DOCK4: variants seen among roughly 807,000 people sequenced by gnomAD.
DOCK4 encodes dedicator of cytokinesis 4.
A neutral mutation model predicts 268.1 loss-of-function variants in DOCK4; 97 were observed. The observed-to-expected ratio is 0.36, with a 90% confidence interval of 0.31 to 0.43. The LOEUF is 0.43. Among genes scored for constraint, DOCK4 ranks in the 20% least tolerant of loss-of-function variants. The pLI is 1.00. For missense variants in DOCK4, 2,145 were observed against 2,455.7 expected (o/e 0.87, Z 2.67); for synonymous variants, 954 against 887.2 (o/e 1.08, Z -1.34).
At chr7:112,202,916 C>T (rs577277558) in intron 1 of DOCK4, among the ~76,000 whole-genome samples, 2 of 152,270 alleles carry the variant, frequency 1.3e-5, no homozygotes, top group East Asian at 3.9e-4. Flanking sequence ...GGAACCAGCA[C>T]CTCAGTTCTG....
At chr7:112,088,679 C>A (rs959078328) in intron 1 of DOCK4, among the ~76,000 whole-genome samples, 1 of 152,088 alleles carries the variant, frequency 6.6e-6, no homozygotes, top group East Asian at 1.9e-4. Flanking sequence ...AGTTTCCTAT[C>A]GGGCAGGATT....
chr7:111,911,127 C>T (rs1444880241), intron 13 of DOCK4, among the ~76,000 whole-genome samples: 1 of 152,084 alleles, frequency 6.6e-6, no homozygotes, highest in Non-Finnish European at 1.5e-5. Context: ...TAATCATGTG[C>T]CTCACCTGTT....
rs748617968 is a variant in DOCK4, at chr7:111,790,549, A to G, written c.3223T>C (p.Leu1075=). The change falls in exon 31 of 53, where the codon TTG becomes CTG. Residue 1075 remains leucine (L), a synonymous_variant. Transcript: ENST00000428084. The stretch of plus-strand genomic sequence containing the variant: ...TTCCGAAGATCTGGCTGGGGTATCA[A>G]GGTCACTTCTAGGAAGGGGCCAATC... ...ALIGPFLEVT[L]IPQPDLRNVM... 1.9e-6 allele frequency: 3 copies of G among 1,613,940 alleles called. No homozygotes were observed.
chr7:111,762,681 A>T (rs1426677246), intron 39 of DOCK4, among the ~76,000 whole-genome samples: 1 of 146,574 alleles, frequency 6.8e-6, no homozygotes, highest in Non-Finnish European at 1.5e-5. Flanking sequence ...GTAAATATAT[A>T]TTTTCAATTT....
intron 12 of DOCK4, among the ~76,000 whole-genome samples, chr7:111,917,992 C>G (rs1004888090): frequency 2.0e-5 from 3 of 152,060 alleles, no homozygotes; most frequent in African/African-American, 7.2e-5. Context: ...ATAGAGCAAA[C>G]AAACAATAAC....
intron 16 of DOCK4, among the ~76,000 whole-genome samples, chr7:111,882,362 T>G (rs946591516): frequency 4.6e-5 from 7 of 152,202 alleles, no homozygotes; most frequent in African/African-American, 1.7e-4. Context: ...TTATTTTATT[T>G]TGGTTTATCT....
intron 10 of DOCK4, among the ~76,000 whole-genome samples, chr7:111,941,635 C>T (rs376568063): frequency 6.6e-6 from 1 of 151,438 alleles, no homozygotes. Context: ...CAGAAAGAAG[C>T]TCCTTATTAA....
intron 1 of DOCK4, among the ~76,000 whole-genome samples, chr7:112,008,370 T>C (rs1396122925): frequency 2.6e-5 from 4 of 152,208 alleles, no homozygotes; most frequent in Non-Finnish European, 4.4e-5. Flanking sequence ...ATTCATAGCA[T>C]AACCATTTTG....
intron 49 of DOCK4, among the ~76,000 whole-genome samples, chr7:111,737,406 G>C (rs952144653): frequency 1.3e-5 from 2 of 152,048 alleles, no homozygotes; most frequent in Non-Finnish European, 2.9e-5. Flanking sequence ...TGGGATTACA[G>C]GCATGAGCCA....
intron 30 of DOCK4, among the ~76,000 whole-genome samples, chr7:111,792,626 A>G (rs1033583904): frequency 6.6e-6 from 1 of 151,844 alleles, no homozygotes; most frequent in East Asian, 1.9e-4. Context: ...CAGGTGATCC[A>G]CCCGCCTCAG....
intron 1 of DOCK4, among the ~76,000 whole-genome samples, chr7:112,028,153 A>C (rs553185792): frequency 6.6e-6 from 1 of 152,316 alleles, no homozygotes; most frequent in East Asian, 1.9e-4. Flanking sequence ...TAGAGCATGA[A>C]GTACAGGTCC....
intron 30 of DOCK4, among the ~76,000 whole-genome samples, chr7:111,792,906 G>A (rs1371590884): frequency 2.0e-5 from 3 of 152,184 alleles, no homozygotes; most frequent in African/African-American, 4.8e-5. Context: ...GCATGACCAA[G>A]TCAATAGCAA....
At chr7:112,200,740 A>AAAAAAAAAAAAAAAAAAAG in intron 1 of DOCK4, among the ~76,000 whole-genome samples, 1 of 76,506 alleles carries the variant, frequency 1.3e-5, no homozygotes, top group African/African-American at 8.0e-5. Flanking sequence ...AAAAAAAAAC[A>AAAAAAAAAAAAAAAAAAAG]AAAAAAAACA....
intron 1 of DOCK4, among the ~76,000 whole-genome samples, chr7:112,147,305 G>A (rs1815605384): frequency 6.6e-6 from 1 of 152,044 alleles, no homozygotes. Context: ...AATATGTTTT[G>A]GGCGTTTTCA....
rs574142683 is a variant in DOCK4, at chr7:112,148,800, C to T, written c.37+57302G>A. Among the ~76,000 whole-genome samples the T allele has an allele frequency of 9.9e-5, 15 of 152,226 alleles. No homozygotes were observed. The South Asian group carries it at 3.1e-3, about 32-fold the overall frequency. On this transcript the variant is annotated intron_variant, in intron 1 of 52. Coordinates refer to ENST00000428084, the MANE Select transcript of DOCK4 (RefSeq NM_001363540.2). ...CCAGATCCTAAAATGATTCAGGTTT[C>T]TGAAAGGAATTACCCCGAAGTTCAC... is the stretch of plus-strand genomic sequence containing the variant.
intron 17 of DOCK4, among the ~76,000 whole-genome samples, chr7:111,875,688 G>A (rs57098511): frequency 0.19 from 28,702 of 152,150 alleles, 3,403 homozygotes; most frequent in African/African-American, 0.34. Flanking sequence ...AGGGGCCATA[G>A]GCCAAGGAAT....
intron 25 of DOCK4, among the ~76,000 whole-genome samples, chr7:111,840,167 T>G (rs1264886361): frequency 6.6e-6 from 1 of 152,214 alleles, no homozygotes. Context: ...AGCAAGGGTA[T>G]TGGATGGCTA....
At chr7:112,058,932 G>A (rs905910059) in intron 1 of DOCK4, among the ~76,000 whole-genome samples, 4 of 152,078 alleles carry the variant, frequency 2.6e-5, no homozygotes, top group African/African-American at 9.7e-5. Flanking sequence ...AAGCTCTGGA[G>A]GAGAAGCTGA....
intron 12 of DOCK4, among the ~76,000 whole-genome samples, chr7:111,931,364 A>G (rs1794184630): frequency 6.6e-6 from 1 of 152,224 alleles, no homozygotes; most frequent in Non-Finnish European, 1.5e-5. Flanking sequence ...GGTATGACTC[A>G]TGGAAAAGGG....
Sources: allele counts gnomAD v4.1 joint callset (sites outside exome capture counted in the v4.1 genomes callset), GRCh38; gene constraint gnomAD v4.1.1; transcripts MANE v1.5; gene names NCBI Gene and HGNC (gene_info 2026-07-23, HGNC 2026-07-21).